MYRIP: variants seen among roughly 807,000 people sequenced by gnomAD.
The protein encoded by MYRIP is myosin VIIA and Rab interacting protein, also known as rab effector MyRIP.
In MYRIP, 49 loss-of-function variants were observed where a neutral mutation model predicts 98.0. That is an observed-to-expected ratio of 0.50 (90% CI 0.40 to 0.63). The LOEUF is 0.63. Among genes scored for constraint, MYRIP ranks in the 30% least tolerant of loss-of-function variants. The probability of loss-of-function intolerance (pLI) is 0.00; values close to 1 mark genes in which losing one functional copy is unlikely to be tolerated. For missense variants in MYRIP, 1,004 were observed against 1,058.2 expected, an observed-to-expected ratio of 0.95 and a Z score of 0.71; for synonymous variants, 404 against 409.5, an observed-to-expected ratio of 0.99 and a Z score of 0.16.
At chr3:39,852,979 A>G (rs531501075) in intron 1 of MYRIP, among the ~76,000 whole-genome samples, 17 of 152,242 alleles carry the variant, frequency 1.1e-4, no homozygotes, top group Admixed American at 9.8e-4. Flanking sequence ...ACGGGGTTTC[A>G]TCATGTTGGT....
chr3:39,991,885 C>G (rs901990973), intron 2 of MYRIP, among the ~76,000 whole-genome samples: 8 of 152,168 alleles, frequency 5.3e-5, no homozygotes, highest in African/African-American at 1.9e-4. Flanking sequence ...TGTCTCATTT[C>G]TTCACTGATA....
intron 15 of MYRIP, among the ~76,000 whole-genome samples, chr3:40,251,388 T>C (rs983538670): frequency 4.6e-5 from 7 of 152,232 alleles, no homozygotes; most frequent in African/African-American, 1.7e-4. Context: ...AAAGGTAATA[T>C]AGTACACGTG....
At chr3:39,968,283 A>G (rs1271624173) in intron 2 of MYRIP, among the ~76,000 whole-genome samples, 2 of 151,224 alleles carry the variant, frequency 1.3e-5, no homozygotes, top group Non-Finnish European at 2.9e-5. Flanking sequence ...CCTCCTGGGC[A>G]TGCCTCAGCC....
At chr3:40,134,295 C>T (rs573022026) in intron 3 of MYRIP, among the ~76,000 whole-genome samples, 3 of 152,350 alleles carry the variant, frequency 2.0e-5, no homozygotes, top group Non-Finnish European at 2.9e-5. Context: ...GCTAGCACAG[C>T]AGTCTGAGAT....
rs143807798 is a variant in MYRIP at position 40,207,293 on chromosome 3, G to A, written c.1666-2561G>A. Among the ~76,000 whole-genome samples the A allele has an allele frequency of 1.3e-3, 200 of 152,216 alleles. 3 individuals are homozygous for A. The highest frequency in any genetic ancestry group is 4.6e-3 in the African/African-American group (191 of 41,522). ...ACATCAAGAATGCCTGTCCCATGAC[G>A]ACATATTAAAATGTCCCTCATATTT... On this transcript the variant is annotated intron_variant, in intron 10 of 16. Coordinates refer to ENST00000302541, the MANE Select transcript of MYRIP (RefSeq NM_015460.4).
intron 5 of MYRIP, among the ~76,000 whole-genome samples, chr3:40,165,525 A>G (rs1950482108): frequency 6.6e-6 from 1 of 152,190 alleles, no homozygotes; most frequent in African/African-American, 2.4e-5. Context: ...CAGGAGGTTG[A>G]AATTGGGGAC....
chr3:40,186,849 C>A (rs1054646191), intron 9 of MYRIP, among the ~76,000 whole-genome samples: 1 of 152,186 alleles, frequency 6.6e-6, no homozygotes. Flanking sequence ...CCCTTACCAC[C>A]TGACTGACAA....
chr3:39,942,026 A>G (rs1458938762), intron 2 of MYRIP, among the ~76,000 whole-genome samples: 7 of 152,170 alleles, frequency 4.6e-5, no homozygotes, highest in Non-Finnish European at 1.0e-4. Flanking sequence ...GTCATGGACA[A>G]CATCCAAGAA....
chr3:39,986,962 G>A (rs1367392075), intron 2 of MYRIP, among the ~76,000 whole-genome samples: 1 of 151,996 alleles, frequency 6.6e-6, no homozygotes, highest in Non-Finnish European at 1.5e-5. Context: ...AATAAATCAT[G>A]TTAACAAGAT....
At chr3:40,164,328 A>T (rs983336517) in intron 5 of MYRIP, among the ~76,000 whole-genome samples, 2 of 152,222 alleles carry the variant, frequency 1.3e-5, no homozygotes, top group African/African-American at 4.8e-5. Flanking sequence ...ATATGTATGT[A>T]CATGCACATA....
chr3:40,057,885 G>C (rs1947916027), intron 3 of MYRIP, among the ~76,000 whole-genome samples: 1 of 152,140 alleles, frequency 6.6e-6, no homozygotes, highest in Admixed American at 6.5e-5. Flanking sequence ...TGGTGGACAA[G>C]TTATTTAACC....
rs2125870813 is a variant in MYRIP, at chr3:40,081,690, C to G, written c.332+37419C>G. ...CACATACCACTTTTTGTGGTGAGAA[C>G]ATTTGGAATTTATTCTCTTAGCAAT... is the stretch of plus-strand genomic sequence containing the variant. On this transcript the variant is annotated intron_variant, in intron 3 of 16. Coordinates refer to ENST00000302541, the MANE Select transcript of MYRIP (RefSeq NM_015460.4). Among the ~76,000 whole-genome samples, 3 of 152,280 alleles carry G rather than the reference C, an allele frequency of 2.0e-5. 1 individual carries two copies. The South Asian group carries it at 6.2e-4, about 32-fold the overall frequency.
At chr3:40,219,442 A>G (rs915010621) in intron 11 of MYRIP, among the ~76,000 whole-genome samples, 4 of 152,130 alleles carry the variant, frequency 2.6e-5, no homozygotes. Flanking sequence ...CCATTAACTC[A>G]TCATTTAGCA....
intron 2 of MYRIP, among the ~76,000 whole-genome samples, chr3:40,035,245 AAAAAG>A (rs1947352499): frequency 6.6e-6 from 1 of 151,696 alleles, no homozygotes; most frequent in African/African-American, 2.4e-5. Flanking sequence ...AAAAATTAAA[AAAAAG>A]AAAAAGAAAT....
chr3:40,071,112 A>G, intron 3 of MYRIP: 1 of 983,476 alleles, frequency 1.0e-6, no homozygotes, highest in Non-Finnish European at 1.2e-6. Context: ...GGAAGAAGAG[A>G]GTCATTTTGA....
chr3:40,049,076 G>A (rs1947731399), intron 3 of MYRIP, among the ~76,000 whole-genome samples: 1 of 152,092 alleles, frequency 6.6e-6, no homozygotes, highest in Non-Finnish European at 1.5e-5. Flanking sequence ...GGGCCTAATT[G>A]GTTTGGGAAC....
chr3:40,116,409 T>A (rs993285837), intron 3 of MYRIP, among the ~76,000 whole-genome samples: 1 of 109,644 alleles, frequency 9.1e-6, no homozygotes, highest in Non-Finnish European at 2.1e-5. Flanking sequence ...AACTTCTAGA[T>A]GGAAAACATC....
At chr3:40,233,807 T>C (rs1479041170) in intron 11 of MYRIP, 52 bp from the exon 12 acceptor site, 4 of 1,519,156 alleles carry the variant, frequency 2.6e-6, no homozygotes, top group Non-Finnish European at 2.7e-6. Flanking sequence ...TCTGTGTCAT[T>C]GTTAATGTGC....
chr3:40,078,896 G>A (rs1292782537), intron 3 of MYRIP, among the ~76,000 whole-genome samples: 2 of 152,110 alleles, frequency 1.3e-5, no homozygotes, highest in Non-Finnish European at 2.9e-5. Flanking sequence ...ATGATTTGGA[G>A]TTCTTTTGGA....
Sources: allele counts gnomAD v4.1 joint callset (sites outside exome capture counted in the v4.1 genomes callset), GRCh38; gene constraint gnomAD v4.1.1; transcripts MANE v1.5; gene names NCBI Gene and HGNC (gene_info 2026-07-23, HGNC 2026-07-21).